RORC: variants seen among roughly 807,000 people sequenced by gnomAD.
The protein encoded by RORC is RAR related orphan receptor C, also known as nuclear receptor ROR-gamma.
A neutral mutation model predicts 64.5 loss-of-function variants in RORC; 13 were observed. That is an observed-to-expected ratio of 0.20 (90% confidence interval 0.13 to 0.32). The LOEUF is 0.32. Among genes scored for constraint, RORC ranks in the 10% least tolerant of loss-of-function variants. The pLI is 1.00. For synonymous variants in RORC, 277 were observed against 259.3 expected, an observed-to-expected ratio of 1.07 and a Z score of -0.65; for missense variants, 468 against 669.5, an observed-to-expected ratio of 0.70 and a Z score of 3.32.
In RORC at chr1:151,830,612, C is replaced by T. The variant is rs1477499051; in HGVS notation, c.40+1113G>A. On this transcript the variant is annotated intron_variant, in intron 1 of 10. Transcript: ENST00000318247. This position sits in a 1 kb window ranked among gnomAD's most constrained non-coding sequence, Gnocchi z 4.0. ...TTTTCCTTCTGCTGTTCAGTCTTGACACCTGACATACACACACACACACAC... is the reference window on the plus strand; with the variant it reads ...TTTTCCTTCTGCTGTTCAGTCTTGATACCTGACATACACACACACACACAC... Among the ~76,000 whole-genome samples the T allele has an allele frequency of 1.9e-5, 1 of 51,534 alleles. No individual in the cohort carries two copies. Among genetic ancestry groups the T allele is most frequent in the Non-Finnish European group, 5.0e-5 (1 of 20,098 alleles). The allele number at this position is 51,534 out of a possible 152,430, so 33.8% of individuals were successfully genotyped here.
In RORC at chr1:151,814,612, T is replaced by C. The variant is rs754504567; in HGVS notation, c.895A>G (p.Ile299Val). The C allele has an allele frequency of 3.7e-6, 6 of 1,612,756 alleles. No homozygotes were observed. The highest frequency in any genetic ancestry group is 2.2e-5 in the East Asian group (1 of 44,876). The change falls in exon 6 of 11, where the codon ATC becomes GTC. Residue 299 changes from isoleucine (I) to valine (V), a missense_variant. Physicochemically the swap from Ile to Val is conservative, Grantham distance 29 (BLOSUM62 3). Coordinates refer to ENST00000318247, the MANE Select transcript of RORC (RefSeq NM_005060.4). ...CCAGTCACTTCCTCCCGGGAGAAGATGTTGGAGCGCTGCCGCAGCAGGTCC... is the reference window on the plus strand; with the variant it reads ...CCAGTCACTTCCTCCCGGGAGAAGACGTTGGAGCGCTGCCGCAGCAGGTCC... The part of the protein sequence containing the change: ...LEDLLRQRSN[I>V]FSREEVTGYQ...
chr1:151,814,937 G>T lies in RORC; in HGVS notation c.787C>A (p.Pro263Thr), dbSNP rs1651697344. The T allele has an allele frequency of 3.1e-6, 5 of 1,613,750 alleles. No individual in the cohort carries two copies. In the South Asian group the frequency reaches 5.5e-5, roughly 18 times the overall value. The stretch of plus-strand genomic sequence containing the variant: ...CCTATCTCTGTCAGGGAGGCATAGG[G>T]TGCCTCCGGTGTGCTGCGGAAACTG... Reference protein sequence around the residue: ...SPSFRSTPEAPYASLTEIEHL... With the variant: ...SPSFRSTPEATYASLTEIEHL... The change falls in exon 5 of 11, where the codon CCC (proline) becomes ACC (threonine). Residue 263 changes from proline to threonine, a missense_variant. Transcript: ENST00000318247.
At chr1:151,811,277 A>G (rs1489787996) in intron 10 of RORC, 48 bp downstream of exon 10, 2 of 1,242,620 alleles carry the variant, frequency 1.6e-6, no homozygotes, top group East Asian at 2.3e-5. Context: ...CTGATGTTAC[A>G]GAGCTAGCGA....
chr1:151,815,155 A>G lies in RORC; in HGVS notation c.569T>C (p.Leu190Ser), dbSNP rs1288411406. The change falls in exon 5 of 11, where the codon TTG becomes TCG. Residue 190 changes from leucine (L) to serine (S), a missense_variant. Leu to Ser is a moderately radical substitution (Grantham distance 145). Around this residue, in one of 5 missense-constraint regions of RORC, gnomAD observed 241 missense variants for 295.5 expected, o/e 0.82. Transcript: ENST00000318247. Reference sequence around the variant, plus strand: ...GGCCCCATTGAGCCCTGCCTTGGCCAAGTTGTTGGAATATGAGGGCCCAGA... The same window carrying G: ...GGCCCCATTGAGCCCTGCCTTGGCCGAGTTGTTGGAATATGAGGGCCCAGA... The part of the protein sequence containing the change: ...SGSGPSYSNN[L>S]AKAGLNGASC... The G allele has an allele frequency of 6.2e-7, 1 of 1,613,986 alleles. No individual in the cohort carries two copies. The highest frequency in any genetic ancestry group is 1.1e-5 in the South Asian group (1 of 91,056).
At position 151,806,781 on chromosome 1, in the gene RORC, TC is replaced by T. The variant is rs1651329519; in HGVS notation, c.*690del. The T allele has an allele frequency of 6.6e-6, 1 of 152,222 alleles. No individual in the cohort carries two copies. Among genetic ancestry groups the T allele is most frequent in the African/African-American group, 2.4e-5 (1 of 41,446 alleles). 9.4% of individuals were successfully genotyped at this position (152,222 alleles called of 1,614,324 possible). On this transcript the variant is annotated 3_prime_UTR_variant, in exon 11 of 11. Transcript: ENST00000318247. ...GCACATAAGAGGTTTGAGTTTTAAC[TC>T]TATGTCTGAGATGCTCTTGGCCTTC...
intron 2 of RORC, chr1:151,825,835 A>C: frequency 6.8e-7 from 1 of 1,471,138 alleles, no homozygotes; most frequent in Admixed American, 1.7e-5. Context: ...TGCTTTGCTC[A>C]GATTTGCTCA....
intron 2 of RORC, among the ~76,000 whole-genome samples, chr1:151,822,973 C>A (rs940862384): frequency 2.6e-5 from 4 of 152,118 alleles, no homozygotes; most frequent in Non-Finnish European, 4.4e-5. Flanking sequence ...AGCAGCACAG[C>A]GGCAGGGGAT....
Position 151,815,018 on chromosome 1 carries a change from G to A in RORC, c.706C>T (p.His236Tyr). Residue 236 changes from histidine to tyrosine, a missense_variant, in exon 5 of 11, where the codon CAC (histidine) becomes TAC (tyrosine). By Grantham distance (83) the His-to-Tyr change is moderately conservative. Around this residue, in one of 5 missense-constraint regions of RORC, gnomAD observed 241 missense variants for 295.5 expected, o/e 0.82. Coordinates refer to ENST00000318247, the MANE Select transcript of RORC (RefSeq NM_005060.4). ...PDRCGLRFEE[H>Y]RHPGLGELGQ... ...AGTTCCCCAAGCCCAGGATGCCTGT[G>A]TTCCTCAAAACGAAGTCCACATCGG... The A allele has an allele frequency of 6.2e-7, 1 of 1,614,212 alleles. No individual in the cohort carries two copies. Among genetic ancestry groups the A allele is most frequent in the Non-Finnish European group, 8.5e-7 (1 of 1,180,032 alleles).
Position 151,815,291 on chromosome 1 carries a change from C to G in RORC, c.433G>C (p.Asp145His). The G allele has an allele frequency of 6.2e-7, 1 of 1,609,926 alleles. No homozygotes were observed. Among genetic ancestry groups the G allele is most frequent in the Non-Finnish European group, 8.5e-7 (1 of 1,177,244 alleles). ...KTPPAGAQGA[D>H]TLTYTLGLPD... ...AGCCCCAAGGTGTAGGTGAGGGTAT[C>G]TGCTCCTTGGGCCCCTGCTGGAGGG... The change falls in exon 5 of 11, where the codon GAT becomes CAT. Residue 145 changes from aspartate to histidine, a missense_variant. Asp to His is a moderately conservative substitution (Grantham distance 81). Coordinates refer to ENST00000318247, the MANE Select transcript of RORC (RefSeq NM_005060.4).
chr1:151,810,554 C>T (rs1651483545), intron 10 of RORC, among the ~76,000 whole-genome samples: 1 of 111,906 alleles, frequency 8.9e-6, no homozygotes, highest in Non-Finnish European at 2.0e-5. Flanking sequence ...TTTTTTGAGA[C>T]AGAGTTTGCT....
intron 2 of RORC, among the ~76,000 whole-genome samples, chr1:151,828,118 C>G (rs1281392524): frequency 6.6e-6 from 1 of 152,168 alleles, no homozygotes; most frequent in East Asian, 1.9e-4. Context: ...CTGGATGGCC[C>G]TCAGCCCTGG....
intron 3 of RORC, 122 bp from the exon 4 acceptor site, chr1:151,816,927 C>T (rs984708790): frequency 5.5e-6 from 6 of 1,081,686 alleles, no homozygotes; most frequent in Admixed American, 6.3e-5. Flanking sequence ...AGTTTTCTCT[C>T]TCCTCCATCT....
intron 1 of RORC, 45 bp downstream of exon 1, chr1:151,831,680 T>C (rs201614682): frequency 5.3e-5 from 85 of 1,609,874 alleles, no homozygotes; most frequent in African/African-American, 1.1e-4. Context: ...CCTCTGAACC[T>C]CCAGCAGTCT....
Position 151,811,386 on chromosome 1 carries a change from T to C in RORC, c.1334A>G (p.Asn445Ser), listed in dbSNP as rs200556721. Residue 445 changes from asparagine to serine, a missense_variant, in exon 10 of 11, where the codon AAT (asparagine) becomes AGT (serine). Transcript: ENST00000318247. The stretch of plus-strand genomic sequence containing the variant: ...ATGATGATGAAAGGCCAGCTCCAGA[T>C]TGTACTGCAGCTGTTCTACTTTCCT... The part of the protein sequence containing the change: ...EKRKVEQLQY[N>S]LELAFHHHLC... 2.7e-4 allele frequency: 432 copies of C among 1,614,068 alleles called. 3 individuals carry two copies. The South Asian group carries it at 4.4e-3, about 17-fold the overall frequency.
intron 2 of RORC, among the ~76,000 whole-genome samples, chr1:151,829,073 C>T (rs996258141): frequency 2.0e-5 from 3 of 150,830 alleles, no homozygotes; most frequent in East Asian, 2.0e-4. Context: ...CCTCCGCACA[C>T]CCCCCTACCT....
chr1:151,819,594 C>T (rs1448681661), intron 2 of RORC, among the ~76,000 whole-genome samples: 2 of 152,206 alleles, frequency 1.3e-5, no homozygotes, highest in African/African-American at 2.4e-5. Flanking sequence ...AGTGGGAACT[C>T]GGGCTCTGGC....
intron 2 of RORC, among the ~76,000 whole-genome samples, chr1:151,827,481 GC>G (rs929514323): frequency 1.2e-4 from 19 of 152,156 alleles, no homozygotes; most frequent in Non-Finnish European, 2.5e-4. Context: ...CCTCTTCAGG[GC>G]CCCTCAGTAT....
At chr1:151,825,452 C>G (rs1652155000) in intron 2 of RORC, among the ~76,000 whole-genome samples, 1 of 152,164 alleles carries the variant, frequency 6.6e-6, no homozygotes, top group East Asian at 1.9e-4. Context: ...TCTCGCTGTC[C>G]TGTTGCTTCA....
intron 10 of RORC, among the ~76,000 whole-genome samples, chr1:151,809,289 G>C (rs1651428977): frequency 2.6e-5 from 4 of 152,154 alleles, no homozygotes; most frequent in Admixed American, 2.6e-4. Context: ...AGCTACTCAG[G>C]AGGCTGAGGC....
Sources: gnomAD v4.1 joint callset for allele counts (sites outside exome capture counted in the v4.1 genomes callset) on GRCh38, gnomAD v4.1.1 for gene constraint, gnomAD v4.1.1 regional missense constraint, Gnocchi (gnomAD v3.1) non-coding constraint, MANE v1.5 for transcripts, NCBI Gene and HGNC (gene_info 2026-07-23, HGNC 2026-07-21) for gene names.